SGMS1: variants seen among roughly 807,000 people sequenced by gnomAD.
The protein encoded by SGMS1 is phosphatidylcholine:ceramide cholinephosphotransferase 1.
A neutral mutation model predicts 46.2 loss-of-function variants in SGMS1; 13 were observed. That is an observed-to-expected ratio of 0.28 (90% CI 0.18 to 0.45). The LOEUF is 0.45. Among genes scored for constraint, SGMS1 ranks in the 20% least tolerant of loss-of-function variants. The pLI, the probability that SGMS1 is intolerant of heterozygous loss-of-function variation, is 1.00. For synonymous variants in SGMS1, 203 were observed against 187.8 expected (o/e 1.08, Z -0.66); for missense variants, 324 against 519.9 (o/e 0.62, Z 3.66).
At chr10:50,532,071 T>C (rs947039006) in intron 2 of SGMS1, among the ~76,000 whole-genome samples, 8 of 152,066 alleles carry the variant, frequency 5.3e-5, no homozygotes, top group African/African-American at 1.4e-4. Context: ...AGAAGAAAAA[T>C]TGGTTCCTGG....
intron 2 of SGMS1, among the ~76,000 whole-genome samples, chr10:50,533,061 A>T (rs1056455574): frequency 1.3e-5 from 2 of 152,132 alleles, no homozygotes; most frequent in African/African-American, 2.4e-5. Context: ...TGAGATATTG[A>T]TCTTCATGAA....
At chr10:50,584,755 C>T (rs369460452) in intron 2 of SGMS1, among the ~76,000 whole-genome samples, 5 of 152,142 alleles carry the variant, frequency 3.3e-5, no homozygotes, top group South Asian at 2.1e-4. Flanking sequence ...GTAAGTATGA[C>T]CAGGGCTTCC....
chr10:50,483,427 C>T (rs1314172100), intron 3 of SGMS1, among the ~76,000 whole-genome samples: 1 of 152,112 alleles, frequency 6.6e-6, no homozygotes, highest in East Asian at 1.9e-4. Context: ...ACTTAGACTC[C>T]CTCATGATAA....
intron 4 of SGMS1, among the ~76,000 whole-genome samples, chr10:50,462,968 G>A (rs1272327397): frequency 6.6e-6 from 1 of 151,674 alleles, no homozygotes; most frequent in Non-Finnish European, 1.5e-5. Context: ...TGGGGGTGGT[G>A]AAGTGTGTAT....
intron 7 of SGMS1, 40 bp downstream of exon 7, chr10:50,343,452 T>C: frequency 6.5e-7 from 1 of 1,527,046 alleles, no homozygotes; most frequent in Non-Finnish European, 8.8e-7. Flanking sequence ...GGAGTGCAAA[T>C]CCCATAATCA....
chr10:50,360,802 C>CT (rs1453215160), intron 6 of SGMS1, among the ~76,000 whole-genome samples: 6 of 152,180 alleles, frequency 3.9e-5, no homozygotes, highest in Non-Finnish European at 8.8e-5. Flanking sequence ...TTCTTCCTAT[C>CT]TTTTTCAAAA....
chr10:50,402,483 T>A (rs935165685), intron 6 of SGMS1, among the ~76,000 whole-genome samples: 4 of 152,206 alleles, frequency 2.6e-5, no homozygotes, highest in African/African-American at 9.6e-5. Context: ...ATTTTCAGGG[T>A]ATAACATTAC....
chr10:50,466,261 A>G (rs535350569), intron 4 of SGMS1, among the ~76,000 whole-genome samples: 4 of 152,248 alleles, frequency 2.6e-5, no homozygotes, highest in Admixed American at 2.6e-4. Flanking sequence ...TACTATTTGA[A>G]TTCTTAAACA....
intron 9 of SGMS1, among the ~76,000 whole-genome samples, chr10:50,309,000 T>C (rs1176601083): frequency 6.6e-6 from 1 of 152,192 alleles, no homozygotes; most frequent in East Asian, 1.9e-4. Flanking sequence ...GATACCTGGA[T>C]CAATGAATAA....
intron 3 of SGMS1, among the ~76,000 whole-genome samples, chr10:50,504,680 T>C (rs948595453): frequency 6.6e-6 from 1 of 152,132 alleles, no homozygotes; most frequent in African/African-American, 2.4e-5. Context: ...CAGCCTCCTA[T>C]ACAAACATCA....
At chr10:50,533,068 T>A (rs1837969066) in intron 2 of SGMS1, among the ~76,000 whole-genome samples, 1 of 152,176 alleles carries the variant, frequency 6.6e-6, no homozygotes, top group Non-Finnish European at 1.5e-5. Flanking sequence ...TTGATCTTCA[T>A]GAAAAAAAAT....
At chr10:50,478,231 A>T (rs966284393) in intron 3 of SGMS1, among the ~76,000 whole-genome samples, 1 of 152,218 alleles carries the variant, frequency 6.6e-6, no homozygotes, top group Admixed American at 6.5e-5. Flanking sequence ...ACACAGTCAG[A>T]TCCACACAAT....
At chr10:50,583,486 G>A (rs985601860) in intron 2 of SGMS1, among the ~76,000 whole-genome samples, 34 of 152,130 alleles carry the variant, frequency 2.2e-4, no homozygotes, top group Admixed American at 9.8e-4. Context: ...CTATCCAATA[G>A]GAATAGGCCA....
At chr10:50,551,458 G>A (rs1473711407) in intron 2 of SGMS1, among the ~76,000 whole-genome samples, 1 of 150,324 alleles carries the variant, frequency 6.7e-6, no homozygotes, top group Non-Finnish European at 1.5e-5. Context: ...GTGGAATACT[G>A]AATGGGATCA....
chr10:50,624,920 C>G (rs945580085), upstream of SGMS1: 19 of 1,013,048 alleles, frequency 1.9e-5, no homozygotes, highest in Non-Finnish European at 2.0e-5. Flanking sequence ...CCCGGCGTAC[C>G]ACGTGACTGT....
At chr10:50,412,277 C>A (rs1564906313) in intron 6 of SGMS1, among the ~76,000 whole-genome samples, 2 of 152,214 alleles carry the variant, frequency 1.3e-5, no homozygotes, top group Non-Finnish European at 2.9e-5. Context: ...AAATTCCTAA[C>A]TTCAATTCTC....
Position 50,571,863 on chromosome 10 carries a change from G to A in SGMS1, c.-589+18290C>T, listed in dbSNP as rs117075873. ...CTCATTTTGCAGGTAAGAAAAATAG[G>A]AGTTTAGAAGGTTAAGTAACTTTGA... On this transcript the variant is annotated intron_variant, in intron 2 of 10. Transcript: ENST00000361781. Among the ~76,000 whole-genome samples the A allele has an allele frequency of 2.5e-3, 377 of 152,186 alleles. 1 individual carries two copies. The highest frequency in any genetic ancestry group is 4.0e-3 in the Non-Finnish European group (274 of 68,002).
intron 2 of SGMS1, among the ~76,000 whole-genome samples, chr10:50,579,377 A>G (rs558747258): frequency 6.6e-6 from 1 of 152,302 alleles, no homozygotes; most frequent in South Asian, 2.1e-4. Flanking sequence ...GATACACTTC[A>G]AGAAAATTTC....
intron 8 of SGMS1, among the ~76,000 whole-genome samples, chr10:50,322,560 C>T (rs2842095): frequency 0.086 from 13,129 of 152,098 alleles, 1,309 homozygotes; most frequent in East Asian, 0.33. Context: ...GGGCCGGGCG[C>T]GGTGGCTCAC....
Sources: gnomAD v4.1 joint callset for allele counts (sites outside exome capture counted in the v4.1 genomes callset) on GRCh38, gnomAD v4.1.1 for gene constraint, MANE v1.5 for transcripts, NCBI Gene and HGNC (gene_info 2026-07-23, HGNC 2026-07-21) for gene names.